KCNN1: variants seen among roughly 807,000 people sequenced by gnomAD.
KCNN1 encodes the protein small conductance calcium-activated potassium channel protein 1.
Under a neutral mutation model 44.7 loss-of-function variants are expected in KCNN1, and 20 were observed. The ratio of observed to expected loss-of-function variants is 0.45; its 90% CI spans 0.32 to 0.65. The LOEUF (loss-of-function observed/expected upper bound fraction) is 0.65, where lower values mean the gene tolerates loss of function less well. KCNN1 is among the 30% of genes least tolerant of loss of function. KCNN1 has a pLI of 0.05. For synonymous variants in KCNN1, 324 were observed against 341.7 expected (o/e 0.95, Z 0.57); for missense variants, 632 against 785.3 (o/e 0.80, Z 2.33).
At position 17,983,236 on chromosome 19, in the gene KCNN1, G is replaced by T. The variant is rs916270138; in HGVS notation, c.917+1109G>T. Among the ~76,000 whole-genome samples the T allele has an allele frequency of 7.9e-5, 12 of 152,052 alleles. No individual in the cohort carries two copies. The highest frequency in any genetic ancestry group is 2.9e-4 in the African/African-American group (12 of 41,394). On this transcript the variant is annotated intron_variant, in intron 4 of 9. Transcript: ENST00000684775. The surrounding 1 kb of genome is among the most constrained non-coding windows in gnomAD (Gnocchi z 4.5). Reference sequence around the variant, plus strand: ...GCAGGAGGGGCTCCGCCAGGCCTGGGGTGTGAGGGTGCCTTATCTGGGAGA... The same window carrying T: ...GCAGGAGGGGCTCCGCCAGGCCTGGTGTGTGAGGGTGCCTTATCTGGGAGA...
At chr19:17,963,000 C>CTTT (rs71164332), upstream of KCNN1, among the ~76,000 whole-genome samples, 53 of 81,664 alleles carry the variant, frequency 6.5e-4, no homozygotes, top group African/African-American at 7.7e-4. Flanking sequence ...CACGCCCAGG[C>CTTT]TTTTTTTTTT....
intron 3 of KCNN1, among the ~76,000 whole-genome samples, chr19:17,981,349 C>T (rs963164958): frequency 1.3e-5 from 2 of 150,296 alleles, no homozygotes; most frequent in Admixed American, 6.6e-5. Flanking sequence ...GTCAGGAATT[C>T]GAGACTAGCC....
Position 17,999,913 on chromosome 19 carries a change from T to G in KCNN1, c.*1507T>G, listed in dbSNP as rs1272881886. The G allele has an allele frequency of 6.6e-6, 3 of 454,164 alleles. No homozygotes were observed. The highest frequency in any genetic ancestry group is 1.3e-5 in the Non-Finnish European group (3 of 226,174). 28.1% of individuals were successfully genotyped at this position (454,164 alleles called of 1,614,324 possible). ...GGTGCTGGTCAGACCCGGGTTCGAG[T>G]CCTGACTCTGCCACTGCTGGGTGAC... On this transcript the variant is annotated 3_prime_UTR_variant, in exon 10 of 10. Transcript: ENST00000684775.
intron 1 of KCNN1, among the ~76,000 whole-genome samples, chr19:17,970,167 C>A (rs1200938947): frequency 1.3e-5 from 2 of 151,688 alleles, no homozygotes; most frequent in African/African-American, 4.8e-5. Context: ...GGAGGTCAGG[C>A]CTTACAAGCT....
intron 7 of KCNN1, among the ~76,000 whole-genome samples, chr19:17,991,055 T>C (rs1599377207): frequency 6.7e-6 from 1 of 150,194 alleles, no homozygotes; most frequent in Non-Finnish European, 1.5e-5. Flanking sequence ...TGGCTCACAC[T>C]TATAATCCCT....
chr19:17,988,952 C>T (rs996252204), intron 6 of KCNN1, among the ~76,000 whole-genome samples: 2 of 151,946 alleles, frequency 1.3e-5, no homozygotes, highest in African/African-American at 4.8e-5. Flanking sequence ...TGCCACCACG[C>T]ACCCATCTGT....
At chr19:17,965,004 G>C (rs2031763678), upstream of KCNN1, among the ~76,000 whole-genome samples, 1 of 152,128 alleles carries the variant, frequency 6.6e-6, no homozygotes, top group African/African-American at 2.4e-5. Flanking sequence ...GGCCAGGCGC[G>C]GTGGCTCACG....
chr19:17,951,886 C>T (rs560144266), intron 1 of KCNN1, among the ~76,000 whole-genome samples: 22 of 152,362 alleles, frequency 1.4e-4, no homozygotes, highest in African/African-American at 3.6e-4. Context: ...CAGCCCTGTT[C>T]CGTGCTGCTG....
chr19:17,969,591 C>T (rs2031940758), intron 1 of KCNN1, among the ~76,000 whole-genome samples: 1 of 152,152 alleles, frequency 6.6e-6, no homozygotes, highest in African/African-American at 2.4e-5. Flanking sequence ...GACGCGGCTG[C>T]CAGGCGAGGA....
intron 1 of KCNN1, among the ~76,000 whole-genome samples, chr19:17,970,289 A>ATTTTTTTTTTTTTTTT (rs71164333): frequency 3.5e-5 from 2 of 56,864 alleles, no homozygotes; most frequent in Non-Finnish European, 6.3e-5. Context: ...AGAAGGAATG[A>ATTTTTTTTTTTTTTTT]TTTTTTTTTT....
chr19:17,957,911 G>A (rs183215452), intron 2 of KCNN1, among the ~76,000 whole-genome samples: 2 of 152,240 alleles, frequency 1.3e-5, no homozygotes, highest in Admixed American at 6.5e-5. Flanking sequence ...GTTGGTACCA[G>A]GGTAGAGCCT....
Position 17,974,035 on chromosome 19 carries a change from T to C in KCNN1, c.147T>C (p.Ser49=). The part of the protein sequence containing the change: ...SPGLQVVVAK[S]EPARPSPGSP... ...GCCTCCAGGTGGTAGTGGCCAAGAG[T>C]GAGCCAGCCCGGCCCTCACCCGGCA... is the stretch of plus-strand genomic sequence containing the variant. Residue 49 remains serine, a synonymous_variant, in exon 2 of 10, where the codon AGT becomes AGC. Transcript: ENST00000684775. The surrounding 1 kb of genome is among the most constrained non-coding windows in gnomAD (Gnocchi z 7.3). The C allele has an allele frequency of 6.2e-7, 1 of 1,606,912 alleles. No homozygotes were observed. The highest frequency in any genetic ancestry group is 8.5e-7 in the Non-Finnish European group (1 of 1,177,864).
At chr19:17,953,664 A>C (rs1041517514) in intron 1 of KCNN1, among the ~76,000 whole-genome samples, 6 of 152,230 alleles carry the variant, frequency 3.9e-5, no homozygotes, top group African/African-American at 1.4e-4. Context: ...CTGCTCTGCC[A>C]AGCGAGGTGG....
chr19:17,986,523 C>T (rs1420826723), intron 5 of KCNN1, among the ~76,000 whole-genome samples: 2 of 152,180 alleles, frequency 1.3e-5, no homozygotes, highest in African/African-American at 2.4e-5. Flanking sequence ...CCGTGGGTGC[C>T]TGTGAACATC....
intron 5 of KCNN1, among the ~76,000 whole-genome samples, chr19:17,986,609 T>C (rs2145957767): frequency 6.6e-6 from 1 of 152,274 alleles, no homozygotes; most frequent in South Asian, 2.1e-4. Context: ...TCCAGAGCCT[T>C]CTTTCTCTCC....
intron 4 of KCNN1, among the ~76,000 whole-genome samples, chr19:17,984,516 G>T (rs1291060278): frequency 1.3e-5 from 2 of 152,172 alleles, no homozygotes; most frequent in African/African-American, 4.8e-5. Context: ...CCAGGTCAGA[G>T]GGGGCCCAGT....
chr19:17,985,893 A>T (rs2032578298), intron 5 of KCNN1, among the ~76,000 whole-genome samples: 1 of 152,182 alleles, frequency 6.6e-6, no homozygotes, highest in East Asian at 1.9e-4. Context: ...TCGGTTATTT[A>T]TGTGAGAATC....
chr19:17,977,308 C>T (rs1389091019), intron 3 of KCNN1, among the ~76,000 whole-genome samples: 1 of 151,706 alleles, frequency 6.6e-6, no homozygotes, highest in Non-Finnish European at 1.5e-5. Context: ...GAACACCAGT[C>T]ATTATTGGAT....
chr19:17,957,439 A>C (rs2031573931), intron 2 of KCNN1, among the ~76,000 whole-genome samples: 1 of 152,124 alleles, frequency 6.6e-6, no homozygotes, highest in African/African-American at 2.4e-5. Flanking sequence ...TAGTGACCAG[A>C]GGAGCAGGGA....
Sources: gnomAD v4.1 joint callset for allele counts (sites outside exome capture counted in the v4.1 genomes callset) on GRCh38, gnomAD v4.1.1 for gene constraint, Gnocchi (gnomAD v3.1) non-coding constraint, MANE v1.5 for transcripts, NCBI Gene and HGNC (gene_info 2026-07-23, HGNC 2026-07-21) for gene names.